Variants in SBNO2 observed in about 807,000 individuals in gnomAD.
SBNO2 encodes the protein strawberry notch homolog 2, also known as protein strawberry notch homolog 2.
SBNO2 carries 89 observed loss-of-function variants against 146.3 expected under a neutral mutation model. The observed-to-expected ratio is 0.61, with a 90% CI of 0.51 to 0.73. The LOEUF is 0.73. Among genes scored for constraint, SBNO2 ranks in the 30% least tolerant of loss-of-function variants. The pLI is 0.00. For missense variants in SBNO2, 2,092 were observed against 2,003.7 expected, an observed-to-expected ratio of 1.04 and a Z score of -0.84; for synonymous variants, 1,147 against 892.6, an observed-to-expected ratio of 1.29 and a Z score of -5.08.
chr19:1,130,321 C>T (rs770139219), intron 4 of SBNO2, among the ~76,000 whole-genome samples: 7 of 152,132 alleles, frequency 4.6e-5, no homozygotes, highest in African/African-American at 1.7e-4. Flanking sequence ...GCTTTTCTGT[C>T]ATTCTAAAAC....
chr19:1,109,034 C>T lies in SBNO2; in HGVS notation c.3426-65G>A. ...AGGGGCCCGCAGGCTCCCCAGGTGC[C>T]CTGAGATCTCCCGCCTCCTCTCAGG... is the stretch of plus-strand genomic sequence containing the variant. On this transcript the variant is annotated intron_variant, in intron 30 of 31. Coordinates refer to ENST00000361757, the MANE Select transcript of SBNO2 (RefSeq NM_014963.3). The surrounding 1 kb of genome is among the most constrained non-coding windows in gnomAD (Gnocchi z 4.2). The T allele has an allele frequency of 6.7e-7, 1 of 1,497,628 alleles. No homozygotes were observed. The highest frequency in any genetic ancestry group is 8.9e-7 in the Non-Finnish European group (1 of 1,124,858). The allele number at this position is 1,497,628 out of a possible 1,614,324, so 92.8% of individuals were successfully genotyped here.
In SBNO2 at chr19:1,113,321, G is replaced by A. The variant is rs527628911; in HGVS notation, c.2247+214C>T. Among the ~76,000 whole-genome samples the A allele has an allele frequency of 2.6e-5, 4 of 152,288 alleles. No individual in the cohort carries two copies. In the South Asian group the frequency reaches 8.3e-4, roughly 32 times the overall value. On this transcript the variant is annotated intron_variant, in intron 19 of 31. Transcript: ENST00000361757. The stretch of plus-strand genomic sequence containing the variant: ...AGGCTGGGGGATCTGGGGCTTAGAG[G>A]GATGGGGCAGGCCGTCCACAGGAGG...
chr19:1,111,170 G>A, intron 24 of SBNO2, 77 bp from the exon 25 acceptor site: 3 of 1,458,194 alleles, frequency 2.1e-6, no homozygotes, highest in Non-Finnish European at 2.8e-6. Flanking sequence ...CTTTTCCAGA[G>A]ACCAGCAGCT....
At chr19:1,128,646 G>A (rs1435893925) in intron 4 of SBNO2, among the ~76,000 whole-genome samples, 1 of 150,792 alleles carries the variant, frequency 6.6e-6, no homozygotes, top group East Asian at 2.0e-4. Context: ...ATCCACCTTG[G>A]CCTCCCAAAG....
At chr19:1,160,856 A>G (rs952962030) in intron 1 of SBNO2, among the ~76,000 whole-genome samples, 5 of 151,912 alleles carry the variant, frequency 3.3e-5, no homozygotes, top group South Asian at 2.1e-4. Flanking sequence ...TCATAGTAAC[A>G]TGAATCTCTG....
chr19:1,132,227 G>A (rs1168525964), intron 4 of SBNO2: 3 of 1,313,262 alleles, frequency 2.3e-6, no homozygotes, highest in Non-Finnish European at 2.9e-6. Flanking sequence ...GCATTGGGTC[G>A]GCCGGGGCGG....
In SBNO2 at chr19:1,123,052, G is replaced by A. The variant is rs1192269133; in HGVS notation, c.629-7C>T. The stretch of plus-strand genomic sequence containing the variant: ...TGCTGCTTCCCGATCTTGGCTGGAG[G>A]AGCAAGGACGGAGGGCAAGGTAAAG... On this transcript the variant is annotated splice_region_variant and splice_polypyrimidine_tract_variant and intron_variant, in intron 7 of 31. Transcript: ENST00000361757. 9 of 1,591,788 alleles carry A rather than the reference G, an allele frequency of 5.7e-6. No homozygotes were observed. Among genetic ancestry groups the A allele is most frequent in the East Asian group, 4.6e-5 (2 of 43,832 alleles).
intron 1 of SBNO2, among the ~76,000 whole-genome samples, chr19:1,160,972 C>T (rs1473678609): frequency 1.3e-5 from 2 of 148,690 alleles, no homozygotes; most frequent in South Asian, 2.2e-4. Flanking sequence ...GGCCCGAGGA[C>T]GGAAAGAAAG....
At chr19:1,134,283 G>C (rs1278596438) in intron 4 of SBNO2, among the ~76,000 whole-genome samples, 1 of 147,300 alleles carries the variant, frequency 6.8e-6, no homozygotes, top group Non-Finnish European at 1.5e-5. Flanking sequence ...CACAGCTCAC[G>C]GGTGGACTCA....
Position 1,140,068 on chromosome 19 carries a change from G to A in SBNO2, c.279+7241C>T, listed in dbSNP as rs1351576762. 1.3e-5 allele frequency among the ~76,000 whole-genome samples: 2 copies of A among 152,172 alleles called. No homozygotes were observed. The highest frequency in any genetic ancestry group is 2.9e-5 in the Non-Finnish European group (2 of 68,024). On this transcript the variant is annotated intron_variant, in intron 4 of 31. Transcript: ENST00000361757. This position sits in a 1 kb window ranked among gnomAD's most constrained non-coding sequence, Gnocchi z 4.4. ...TAATCCCAATGCTTTGGGAGGCTGA[G>A]GTGGGTGGATCACAAGGTCAGGAGA...
chr19:1,114,407 C>T lies in SBNO2; in HGVS notation c.1901G>A (p.Arg634His), dbSNP rs976133177. 1.0e-5 allele frequency: 16 copies of T among 1,537,134 alleles called. No homozygotes were observed. Among genetic ancestry groups the T allele is most frequent in the Middle Eastern group, 1.7e-4 (1 of 5,822 alleles). Residue 634 changes from arginine (R) to histidine (H), a missense_variant, in exon 18 of 32, where the codon CGC (arginine) becomes CAC (histidine). Transcript: ENST00000361757. The stretch of plus-strand genomic sequence containing the variant: ...CGCCAGCCGGGGGGCTTTGGCCCCG[C>T]GTCCCCGAGGTCGCCCTGCAGGGAA... ...GSKRKRRPRG[R>H]GAKAPRLACE...
At chr19:1,159,892 C>T (rs942825014) in intron 1 of SBNO2, among the ~76,000 whole-genome samples, 24 of 152,014 alleles carry the variant, frequency 1.6e-4, no homozygotes, top group African/African-American at 5.5e-4. Context: ...GAGAGGACTT[C>T]GCCCCCCACA....
chr19:1,153,744 G>C (rs905242197), intron 2 of SBNO2, among the ~76,000 whole-genome samples: 1 of 152,142 alleles, frequency 6.6e-6, no homozygotes, highest in Non-Finnish European at 1.5e-5. Context: ...CACTATGTTG[G>C]CCAGGCTGGT....
chr19:1,157,600 C>T lies in SBNO2; in HGVS notation c.-126-3198G>A, dbSNP rs1204664421. Among the ~76,000 whole-genome samples, 1 of 152,184 alleles carries T rather than the reference C, an allele frequency of 6.6e-6. No individual in the cohort carries two copies. The highest frequency in any genetic ancestry group is 1.5e-5 in the Non-Finnish European group (1 of 68,020). On this transcript the variant is annotated intron_variant, in intron 1 of 31. Transcript: ENST00000361757. This position sits in a 1 kb window ranked among gnomAD's most constrained non-coding sequence, Gnocchi z 6.8. ...GGGGCGGGGGTCACACGGTTCCCAC[C>T]TTGGGAGGGGGCCCGCGCTTTATCA...
intron 9 of SBNO2, 32 bp from the exon 10 acceptor site, chr19:1,122,590 C>CG: frequency 9.3e-6 from 14 of 1,504,082 alleles, no homozygotes; most frequent in South Asian, 2.5e-5. Flanking sequence ...CGCGCCCACC[C>CG]TTCCCCCTCG....
chr19:1,133,117 G>A (rs536150755), intron 4 of SBNO2, among the ~76,000 whole-genome samples: 1 of 152,248 alleles, frequency 6.6e-6, no homozygotes, highest in African/African-American at 2.4e-5. Flanking sequence ...AGGAGCTGGG[G>A]AGGCCCCAGG....
At chr19:1,147,030 C>T (rs2080197271) in intron 4 of SBNO2, among the ~76,000 whole-genome samples, 1 of 152,170 alleles carries the variant, frequency 6.6e-6, no homozygotes, top group Non-Finnish European at 1.5e-5. Context: ...CACCGCCCTC[C>T]CCGCAACTCC....
chr19:1,119,722 G>A (rs1345924734), intron 12 of SBNO2, 101 bp from the exon 13 acceptor site: 35 of 1,120,848 alleles, frequency 3.1e-5, no homozygotes. Flanking sequence ...GCCCTGCGGG[G>A]TTGGAGCCAT....
rs868358609 is a variant in SBNO2 at position 1,161,987 on chromosome 19, G to A, written c.-126-7585C>T. 2.8e-5 allele frequency among the ~76,000 whole-genome samples: 4 copies of A among 142,320 alleles called. No individual in the cohort carries two copies. In the South Asian group the frequency reaches 6.9e-4, roughly 25 times the overall value. 93.4% of individuals were successfully genotyped at this position (142,320 alleles called of 152,430 possible). A position where few individuals can be genotyped will look rare whatever the true frequency, so the allele number is the denominator to read the frequency against. On this transcript the variant is annotated intron_variant, in intron 1 of 31. Coordinates refer to ENST00000361757, the MANE Select transcript of SBNO2 (RefSeq NM_014963.3). ...TTCCCCAGCAGCCGGCCAGACAGAC[G>A]GACGTCCTGGCCCAAGGTGAGCGGG... is the stretch of plus-strand genomic sequence containing the variant.
Sources: gnomAD v4.1 joint callset for allele counts (sites outside exome capture counted in the v4.1 genomes callset) on GRCh38, gnomAD v4.1.1 for gene constraint, Gnocchi (gnomAD v3.1) non-coding constraint, MANE v1.5 for transcripts, NCBI Gene and HGNC (gene_info 2026-07-23, HGNC 2026-07-21) for gene names.